Variants in PCDH15 observed in about 807,000 individuals in gnomAD.
PCDH15 encodes the protein protocadherin-15.
PCDH15 carries 129 observed loss-of-function variants against 178.5 expected under a neutral mutation model. The observed-to-expected ratio is 0.72, with a 90% CI of 0.63 to 0.84. The LOEUF is 0.84. Among genes scored for constraint, PCDH15 ranks in the 40% least tolerant of loss-of-function variants. PCDH15 has a pLI of 0.00. For missense variants in PCDH15, 2,230 were observed against 2,099.9 expected, an observed-to-expected ratio of 1.06 and a Z score of -1.21; for synonymous variants, 800 against 732.0, an observed-to-expected ratio of 1.09 and a Z score of -1.50.
chr10:54,194,184 T>A (rs2049331288), intron 11 of PCDH15, among the ~76,000 whole-genome samples: 1 of 149,498 alleles, frequency 6.7e-6, no homozygotes, highest in African/African-American at 2.5e-5. Context: ...CTCTGTGGAG[T>A]GTTACAAAAT....
intron 2 of PCDH15, among the ~76,000 whole-genome samples, chr10:54,564,111 T>C (rs906802217): frequency 7.3e-5 from 11 of 150,538 alleles, no homozygotes; most frequent in Admixed American, 7.3e-4. Context: ...GCACTTTTTT[T>C]GTAGATTCCT....
At chr10:54,217,248 A>T (rs1480452615) in intron 9 of PCDH15, among the ~76,000 whole-genome samples, 1 of 152,154 alleles carries the variant, frequency 6.6e-6, no homozygotes, top group Non-Finnish European at 1.5e-5. Context: ...AAATAAAATA[A>T]TTCAATCTAA....
At chr10:55,291,263 TACTTAAA>T (rs1377941995) in intron 1 of PCDH15, among the ~76,000 whole-genome samples, 6 of 152,136 alleles carry the variant, frequency 3.9e-5, no homozygotes, top group Non-Finnish European at 7.4e-5. Context: ...AGACAACACA[TACTTAAA>T]ACTTAATACA....
chr10:54,161,111 TCA>T, intron 13 of PCDH15, among the ~76,000 whole-genome samples: 1 of 152,268 alleles, frequency 6.6e-6, no homozygotes, highest in South Asian at 2.1e-4. Context: ...TATAGAATAT[TCA>T]CAGTCACATT....
chr10:55,577,400 C>G (rs1328273497), intron 2 of PCDH15, among the ~76,000 whole-genome samples: 2 of 151,992 alleles, frequency 1.3e-5, no homozygotes, highest in Non-Finnish European at 2.9e-5. Flanking sequence ...TAACTAATGT[C>G]AATTTTAATA....
intron 1 of PCDH15, among the ~76,000 whole-genome samples, chr10:54,788,030 G>C (rs190751225): frequency 6.6e-6 from 1 of 151,864 alleles, no homozygotes; most frequent in South Asian, 2.1e-4. Context: ...AAGAAGAGAG[G>C]CACAGGAAGG....
intron 2 of PCDH15, among the ~76,000 whole-genome samples, chr10:55,331,246 T>A (rs1473134174): frequency 6.6e-6 from 1 of 151,892 alleles, no homozygotes; most frequent in African/African-American, 2.4e-5. Context: ...GTTACTAATA[T>A]TTTTGGGTAT....
chr10:54,167,000 G>C (rs541581963), intron 13 of PCDH15, among the ~76,000 whole-genome samples: 52 of 152,130 alleles, frequency 3.4e-4, no homozygotes, highest in African/African-American at 1.1e-3. Flanking sequence ...CCTATAAAAC[G>C]GCCTCACCCT....
At chr10:54,629,281 A>C (rs1193124597) in intron 2 of PCDH15, among the ~76,000 whole-genome samples, 3 of 152,160 alleles carry the variant, frequency 2.0e-5, no homozygotes, top group Non-Finnish European at 4.4e-5. Context: ...AAAGAACTTT[A>C]TAGAAGTATT....
chr10:53,992,430 C>A (rs375608088), intron 21 of PCDH15, among the ~76,000 whole-genome samples: 2 of 152,266 alleles, frequency 1.3e-5, no homozygotes, highest in East Asian at 3.9e-4. Context: ...TAAACAAGAA[C>A]CTTATAAATT....
At chr10:53,966,995 C>A (rs956376211) in intron 21 of PCDH15, among the ~76,000 whole-genome samples, 1 of 152,050 alleles carries the variant, frequency 6.6e-6, no homozygotes, top group African/African-American at 2.4e-5. Context: ...CTCACACAAT[C>A]TTTCTGCCTC....
intron 1 of PCDH15, among the ~76,000 whole-genome samples, chr10:54,708,911 G>A (rs1014234486): frequency 6.6e-6 from 1 of 152,006 alleles, no homozygotes; most frequent in East Asian, 1.9e-4. Flanking sequence ...TGAAAAAAAG[G>A]AAACAAAATA....
chr10:55,519,114 A>C lies in PCDH15; in HGVS notation c.-156+108511T>G, dbSNP rs933049595. 8.5e-3 allele frequency among the ~76,000 whole-genome samples: 1,278 copies of C among 149,604 alleles called. 16 individuals carry two copies. Among genetic ancestry groups the C allele is most frequent in the African/African-American group, 0.03 (1,205 of 40,406 alleles). ...GTCTCAAAAAAAAAAAAAAAAAAAAAAAACAAACTCTTAGTCTGTAAGAGA... is the reference window on the plus strand; with the variant it reads ...GTCTCAAAAAAAAAAAAAAAAAAAACAAACAAACTCTTAGTCTGTAAGAGA... On this transcript the variant is annotated intron_variant, in intron 2 of 5. Transcript: ENST00000613346.
upstream of PCDH15, among the ~76,000 whole-genome samples, chr10:55,320,987 C>T (rs147119249): frequency 2.6e-5 from 4 of 151,936 alleles, no homozygotes; most frequent in East Asian, 5.8e-4. Context: ...AATAAGAACA[C>T]ATATTATTGA....
chr10:54,506,513 G>T (rs957136286), intron 3 of PCDH15, among the ~76,000 whole-genome samples: 1 of 151,914 alleles, frequency 6.6e-6, no homozygotes, highest in Non-Finnish European at 1.5e-5. Flanking sequence ...CTAATACCTA[G>T]TAAGTAATCC....
intron 2 of PCDH15, among the ~76,000 whole-genome samples, chr10:55,164,477 A>G (rs2132116480): frequency 1.3e-5 from 2 of 151,056 alleles, no homozygotes; most frequent in East Asian, 3.9e-4. Context: ...TAAGATATAC[A>G]AAATGCTGTA....
At chr10:54,352,484 T>G (rs1036871511) in intron 5 of PCDH15, among the ~76,000 whole-genome samples, 2 of 152,154 alleles carry the variant, frequency 1.3e-5, no homozygotes, top group African/African-American at 4.8e-5. Context: ...TGTTTTCTCC[T>G]ACCCAGGAAA....
At chr10:54,127,072 C>A (rs373706558) in intron 15 of PCDH15, among the ~76,000 whole-genome samples, 10 of 151,832 alleles carry the variant, frequency 6.6e-5, no homozygotes, top group East Asian at 3.9e-4. Context: ...GATGTAAGTC[C>A]ACAGGTTAAC....
At chr10:53,920,158 C>T (rs563508659) in intron 25 of PCDH15, among the ~76,000 whole-genome samples, 52 of 152,074 alleles carry the variant, frequency 3.4e-4, no homozygotes, top group South Asian at 1.5e-3. Context: ...TTGCACAAGG[C>T]GGTTGAATAC....
Sources: gnomAD v4.1 joint callset for allele counts (sites outside exome capture counted in the v4.1 genomes callset) on GRCh38, gnomAD v4.1.1 for gene constraint, MANE v1.5 for transcripts, NCBI Gene and HGNC (gene_info 2026-07-23, HGNC 2026-07-21) for gene names.